The following DNAH14 variants were observed in gnomAD, a reference collection of about 807,000 sequenced individuals.
DNAH14 encodes the protein dynein axonemal heavy chain 14.
Under a neutral mutation model 520.9 loss-of-function variants are expected in DNAH14, and 478 were observed. The ratio of observed to expected loss-of-function variants is 0.92; its 90% CI spans 0.85 to 0.99. The LOEUF is 0.99. DNAH14 is among the 50% of genes least tolerant of loss of function. The pLI is 0.00. For synonymous variants in DNAH14, 1,581 were observed against 1,757.2 expected (o/e 0.90, Z 2.51); for missense variants, 4,831 against 5,234.5 (o/e 0.92, Z 2.38).
rs28972367 is a variant in DNAH14, at chr1:225,335,395, A to C, written c.10081-1871A>C. ...TGTGTGTGTATATGCACATATACAC[A>C]TGTGTACATGTGTGTGTATGCACAT... On this transcript the variant is annotated intron_variant, in intron 66 of 85. Coordinates refer to ENST00000682510, the MANE Select transcript of DNAH14 (RefSeq NM_001367479.1). Among the ~76,000 whole-genome samples the C allele has an allele frequency of 3.0e-5, 2 of 66,770 alleles. 1 individual carries two copies. The highest frequency in any genetic ancestry group is 5.7e-5 in the Non-Finnish European group (2 of 35,312). 43.8% of individuals were successfully genotyped at this position (66,770 alleles called of 152,430 possible). A position where few individuals can be genotyped will look rare whatever the true frequency, so the allele number is the denominator to read the frequency against.
At chr1:225,325,384 C>T (rs1393952646) in intron 64 of DNAH14, among the ~76,000 whole-genome samples, 1 of 151,636 alleles carries the variant, frequency 6.6e-6, no homozygotes, top group Non-Finnish European at 1.5e-5. Context: ...ACTTGGGAGG[C>T]TGAGGCAGGA....
intron 43 of DNAH14, among the ~76,000 whole-genome samples, chr1:225,246,123 AAG>A (rs2092268214): frequency 1.3e-5 from 2 of 150,454 alleles, no homozygotes; most frequent in South Asian, 2.1e-4. Context: ...AAAAAAAAAA[AAG>A]GATAAGGATT....
chr1:225,284,525 G>C (rs2093694565), intron 54 of DNAH14, among the ~76,000 whole-genome samples: 1 of 152,108 alleles, frequency 6.6e-6, no homozygotes, highest in African/African-American at 2.4e-5. Flanking sequence ...AAAGCCCAGA[G>C]CCAAATGGCT....
At chr1:225,096,209 T>C (rs1310978998) in intron 21 of DNAH14, among the ~76,000 whole-genome samples, 1 of 152,138 alleles carries the variant, frequency 6.6e-6, no homozygotes, top group Admixed American at 6.5e-5. Flanking sequence ...CTCAAACTCC[T>C]GACCTCAAGT....
chr1:224,966,314 A>G (rs902026510), intron 5 of DNAH14, among the ~76,000 whole-genome samples: 2 of 152,188 alleles, frequency 1.3e-5, no homozygotes, highest in Non-Finnish European at 2.9e-5. Flanking sequence ...TCCAAAATTT[A>G]AAACTACAGT....
chr1:225,376,044 C>T (rs2095695736), intron 78 of DNAH14, among the ~76,000 whole-genome samples: 1 of 152,038 alleles, frequency 6.6e-6, no homozygotes, highest in Admixed American at 6.5e-5. Flanking sequence ...GCCGAGATCA[C>T]ACCACTGCAT....
At chr1:224,967,287 A>G in intron 5 of DNAH14, 144 bp from the exon 6 acceptor site, 1 of 454,796 alleles carries the variant, frequency 2.2e-6, no homozygotes, top group East Asian at 3.6e-5. Context: ...ATTTGATGTT[A>G]GCTTTCTCCA....
At chr1:225,100,957 C>A in intron 23 of DNAH14, 73 bp downstream of exon 23, 1 of 1,216,208 alleles carries the variant, frequency 8.2e-7, no homozygotes, top group Non-Finnish European at 1.1e-6. Flanking sequence ...ATGTAATCTA[C>A]TGCAGAAGCT....
chr1:224,974,978 G>A (rs1334996755), intron 8 of DNAH14, among the ~76,000 whole-genome samples: 1 of 152,008 alleles, frequency 6.6e-6, no homozygotes, highest in East Asian at 1.9e-4. Flanking sequence ...CATCTATTGA[G>A]ATAATCATGT....
At chr1:225,184,976 G>A (rs1231386656) in intron 36 of DNAH14, among the ~76,000 whole-genome samples, 1 of 151,954 alleles carries the variant, frequency 6.6e-6, no homozygotes, top group African/African-American at 2.4e-5. Flanking sequence ...GTTAAATTAT[G>A]CCTCTTTGCT....
intron 41 of DNAH14, among the ~76,000 whole-genome samples, chr1:225,211,410 T>A (rs1221797920): frequency 6.6e-6 from 1 of 151,912 alleles, no homozygotes; most frequent in African/African-American, 2.4e-5. Flanking sequence ...ATATCAGAGA[T>A]TAAAGATCAA....
intron 36 of DNAH14, among the ~76,000 whole-genome samples, chr1:225,169,363 G>A (rs541940712): frequency 6.6e-6 from 1 of 152,292 alleles, no homozygotes; most frequent in East Asian, 1.9e-4. Context: ...AAAGGAGGAA[G>A]TTCAAACCCA....
At chr1:224,963,923 A>G (rs1249645097) in intron 4 of DNAH14, among the ~76,000 whole-genome samples, 2 of 152,082 alleles carry the variant, frequency 1.3e-5, no homozygotes, top group Non-Finnish European at 2.9e-5. Flanking sequence ...GGCTTTTTGT[A>G]TGCTTCTCTT....
chr1:225,057,092 G>A (rs538308672), intron 17 of DNAH14, among the ~76,000 whole-genome samples: 5 of 152,306 alleles, frequency 3.3e-5, no homozygotes, highest in African/African-American at 9.6e-5. Context: ...GCTTGATGGG[G>A]ATGGCATTGA....
intron 73 of DNAH14, chr1:225,357,771 C>T: frequency 1.4e-6 from 1 of 701,858 alleles, no homozygotes; most frequent in African/African-American, 1.7e-5. Flanking sequence ...CAAACAGGCA[C>T]ACTGACGTGT....
intron 1 of DNAH14, among the ~76,000 whole-genome samples, chr1:224,935,308 A>G (rs1415585018): frequency 1.3e-5 from 2 of 151,958 alleles, no homozygotes; most frequent in African/African-American, 2.4e-5. Flanking sequence ...AATGGATTTT[A>G]AAAAGATTCA....
At chr1:225,121,696 C>G (rs1388874144) in intron 26 of DNAH14, among the ~76,000 whole-genome samples, 1 of 151,954 alleles carries the variant, frequency 6.6e-6, no homozygotes, top group African/African-American at 2.4e-5. Flanking sequence ...CAAAATTTAG[C>G]CAGGCATGGT....
intron 17 of DNAH14, among the ~76,000 whole-genome samples, chr1:225,059,681 T>C (rs1050453201): frequency 1.5e-4 from 23 of 152,186 alleles, no homozygotes; most frequent in Admixed American, 9.2e-4. Flanking sequence ...TTCCTTTCCA[T>C]GTTTAGTGCT....
Position 225,050,316 on chromosome 1 carries a change from GC to G in DNAH14, c.2020del (p.Gln674ArgfsTer20), listed in dbSNP as rs1386951544. 1 of 1,549,008 alleles carries G rather than the reference GC, an allele frequency of 6.5e-7. No individual in the cohort carries two copies. Among genetic ancestry groups the G allele is most frequent in the African/African-American group, 1.4e-5 (1 of 73,068 alleles). ...KTGSIIHYKE[Q>X]TRWPDCHILF... is the part of the protein sequence containing the mutation. ...CAGGAAGCATAATACATTATAAAGAGCAGACCAGATGGCCAGATTGTCACAT... is the reference window on the plus strand; with the variant it reads ...CAGGAAGCATAATACATTATAAAGAGAGACCAGATGGCCAGATTGTCACAT... On this transcript the variant is annotated frameshift_variant, in exon 16 of 86. Transcript: ENST00000682510. LOFTEE classifies it high-confidence loss of function.
Sources: gnomAD v4.1 joint callset for allele counts (sites outside exome capture counted in the v4.1 genomes callset) on GRCh38, gnomAD v4.1.1 for gene constraint, MANE v1.5 for transcripts, NCBI Gene and HGNC (gene_info 2026-07-23, HGNC 2026-07-21) for gene names.